CATSPERE: variants seen among roughly 807,000 people sequenced by gnomAD.
CATSPERE encodes the protein cation channel sperm-associated auxiliary subunit epsilon.
In CATSPERE, 93 loss-of-function variants were observed where a neutral mutation model predicts 114.1. The ratio of observed to expected loss-of-function variants is 0.81; its 90% CI spans 0.69 to 0.97. The LOEUF is 0.97. Ranked by LOEUF, CATSPERE falls within the 50% of genes least tolerant of loss-of-function variation. The pLI is 0.00. For synonymous variants in CATSPERE, 341 were observed against 384.1 expected (o/e 0.89, Z 1.31); for missense variants, 1,058 against 1,131.6 (o/e 0.93, Z 0.93).
chr1:244,558,213 C>T (rs1295140284), intron 9 of CATSPERE, among the ~76,000 whole-genome samples: 1 of 145,274 alleles, frequency 6.9e-6, no homozygotes, highest in Non-Finnish European at 1.5e-5. Flanking sequence ...GCAATCTCAG[C>T]TCACTGCAAC....
chr1:244,460,616 C>A (rs1352061772), upstream of CATSPERE, among the ~76,000 whole-genome samples: 1 of 152,180 alleles, frequency 6.6e-6, no homozygotes, highest in African/African-American at 2.4e-5. Flanking sequence ...AAATAAAAAT[C>A]ATTTATGCTG....
intron 8 of CATSPERE, among the ~76,000 whole-genome samples, chr1:244,527,405 G>A (rs9429007): frequency 2.6e-4 from 39 of 152,246 alleles, no homozygotes; most frequent in Middle Eastern, 3.4e-3. Flanking sequence ...GCTCTGTTCC[G>A]CCCGGCTCAG....
intron 8 of CATSPERE, among the ~76,000 whole-genome samples, chr1:244,548,772 A>G (rs1002875424): frequency 6.6e-6 from 1 of 152,206 alleles, no homozygotes; most frequent in Admixed American, 6.5e-5. Context: ...CGGCTGAGCA[A>G]GGTTCCCCAG....
chr1:244,499,430 C>T lies in CATSPERE; in HGVS notation c.429+351C>T, dbSNP rs540482918. The stretch of plus-strand genomic sequence containing the variant: ...CATGGTAGTTTGCTGCACCTATCAA[C>T]CCATCATCTAGGTTTTCAGCCCTGT... On this transcript the variant is annotated intron_variant, in intron 7 of 21. Transcript: ENST00000366534. 3.9e-5 allele frequency among the ~76,000 whole-genome samples: 6 copies of T among 152,096 alleles called. No individual in the cohort carries two copies. In the South Asian group the frequency reaches 1.2e-3, roughly 32 times the overall value.
chr1:244,475,467 CAA>C (rs1448372841), intron 2 of CATSPERE, among the ~76,000 whole-genome samples: 1 of 151,552 alleles, frequency 6.6e-6, no homozygotes, highest in Non-Finnish European at 1.5e-5. Flanking sequence ...CTCCTGGCCT[CAA>C]GTGAGCTACC....
intron 8 of CATSPERE, among the ~76,000 whole-genome samples, chr1:244,524,564 T>G (rs994097433): frequency 6.6e-5 from 10 of 151,844 alleles, no homozygotes; most frequent in South Asian, 2.1e-4. Context: ...CTACAAAATG[T>G]GAGAAAATTT....
chr1:244,500,439 T>C (rs1368691120), intron 7 of CATSPERE, among the ~76,000 whole-genome samples: 3 of 152,192 alleles, frequency 2.0e-5, no homozygotes, highest in Non-Finnish European at 2.9e-5. Flanking sequence ...TCCTGAATGG[T>C]ATTGCCTAGG....
chr1:244,460,109 G>T (rs1190770364), upstream of CATSPERE, among the ~76,000 whole-genome samples: 3 of 152,180 alleles, frequency 2.0e-5, no homozygotes, highest in African/African-American at 7.2e-5. Context: ...GTTCATTCCT[G>T]GGCATAAGCT....
At chr1:244,599,222 G>T (rs1668841261) in intron 17 of CATSPERE, among the ~76,000 whole-genome samples, 1 of 152,134 alleles carries the variant, frequency 6.6e-6, no homozygotes, top group Non-Finnish European at 1.5e-5. Context: ...ACCCCAGACT[G>T]ACACCTCCAC....
chr1:244,458,558 T>C (rs770840545), upstream of CATSPERE, among the ~76,000 whole-genome samples: 2 of 152,348 alleles, frequency 1.3e-5, no homozygotes, highest in East Asian at 1.9e-4. Context: ...AGGACTCTCA[T>C]GGAGAGCTAA....
At chr1:244,469,974 C>T (rs1420563453) in intron 2 of CATSPERE, among the ~76,000 whole-genome samples, 1 of 151,998 alleles carries the variant, frequency 6.6e-6, no homozygotes, top group East Asian at 1.9e-4. Flanking sequence ...AAGAACGGTA[C>T]TGAAACAACT....
At chr1:244,580,239 G>A in intron 11 of CATSPERE, among the ~76,000 whole-genome samples, 1 of 143,096 alleles carries the variant, frequency 7.0e-6, no homozygotes, top group African/African-American at 2.6e-5. Flanking sequence ...TTTTAGTAGA[G>A]ACAGGGTTTC....
At chr1:244,592,170 G>A (rs902205739) in intron 15 of CATSPERE, among the ~76,000 whole-genome samples, 10 of 152,060 alleles carry the variant, frequency 6.6e-5, no homozygotes, top group African/African-American at 2.2e-4. Flanking sequence ...CCAACGTGGC[G>A]AAACCCCATT....
intron 15 of CATSPERE, among the ~76,000 whole-genome samples, chr1:244,593,156 G>A (rs931685973): frequency 6.6e-6 from 1 of 152,206 alleles, no homozygotes; most frequent in African/African-American, 2.4e-5. Flanking sequence ...CCTTGAACGA[G>A]TTTCACACAG....
chr1:244,475,520 C>T (rs1377401313), intron 2 of CATSPERE, among the ~76,000 whole-genome samples: 1 of 150,094 alleles, frequency 6.7e-6, no homozygotes, highest in Non-Finnish European at 1.5e-5. Flanking sequence ...AGGTGTGAGC[C>T]ACTGCACCTG....
chr1:244,621,195 T>TATATATAATA lies in CATSPERE; in HGVS notation c.2648+3509_2648+3510insATATATAATA. On this transcript the variant is annotated intron_variant, in intron 20 of 21. Transcript: ENST00000366534. ...TATAGATATATTTATATAGATATAT[T>TATATATAATA]TATATAGATATATTTATATATATAT... is the stretch of plus-strand genomic sequence containing the variant. Among the ~76,000 whole-genome samples the TATATATAATA allele has an allele frequency of 4.8e-3, 58 of 12,036 alleles. 9 individuals are homozygous for TATATATAATA. Among genetic ancestry groups the TATATATAATA allele is most frequent in the African/African-American group, 0.013 (58 of 4,400 alleles). 7.9% of individuals were successfully genotyped at this position (12,036 alleles called of 152,430 possible). A position where few individuals can be genotyped will look rare whatever the true frequency, so the allele number is the denominator to read the frequency against.
intron 8 of CATSPERE, among the ~76,000 whole-genome samples, chr1:244,523,072 A>G (rs1422893123): frequency 1.4e-5 from 2 of 148,006 alleles, no homozygotes; most frequent in African/African-American, 5.3e-5. Context: ...ATGGACATTG[A>G]TGCAAAAATC....
At chr1:244,557,928 T>C (rs2148519966) in intron 9 of CATSPERE, among the ~76,000 whole-genome samples, 1 of 152,126 alleles carries the variant, frequency 6.6e-6, no homozygotes, top group East Asian at 1.9e-4. Flanking sequence ...TTTTTTCCTC[T>C]GCTTTTTCCA....
intron 2 of CATSPERE, among the ~76,000 whole-genome samples, chr1:244,466,262 C>G (rs1285038948): frequency 6.6e-6 from 1 of 152,178 alleles, no homozygotes; most frequent in African/African-American, 2.4e-5. Context: ...AATATTCATA[C>G]ATGAGTTTGC....
Sources: gnomAD v4.1 joint callset for allele counts (sites outside exome capture counted in the v4.1 genomes callset) on GRCh38, gnomAD v4.1.1 for gene constraint, MANE v1.5 for transcripts, NCBI Gene and HGNC (gene_info 2026-07-23, HGNC 2026-07-21) for gene names.